Variants in NCKAP5 observed in about 807,000 individuals in gnomAD.
NCKAP5 encodes the protein NCK associated protein 5.
NCKAP5 carries 92 observed loss-of-function variants against 167.0 expected under a neutral mutation model. That is an observed-to-expected ratio of 0.55 (90% confidence interval 0.47 to 0.66). The LOEUF is 0.66. NCKAP5 is among the 30% of genes least tolerant of loss of function. The pLI, the probability that NCKAP5 is intolerant of heterozygous loss-of-function variation, is 0.00. For synonymous variants in NCKAP5, 891 were observed against 877.4 expected, an observed-to-expected ratio of 1.02 and a Z score of -0.27; for missense variants, 2,378 against 2,315.0, an observed-to-expected ratio of 1.03 and a Z score of -0.56.
intron 6 of NCKAP5, among the ~76,000 whole-genome samples, chr2:133,073,597 G>A (rs7599102): frequency 0.071 from 10,774 of 152,144 alleles, 497 homozygotes; most frequent in African/African-American, 0.12. Flanking sequence ...AGCCTAACCC[G>A]GCTGGCTGAT....
chr2:133,558,704 CAAAAAAAAA>C (rs60051493), intron 2 of NCKAP5, among the ~76,000 whole-genome samples: 6 of 50,874 alleles, frequency 1.2e-4, no homozygotes, highest in East Asian at 7.2e-4. Context: ...ATGTGCTGAG[CAAAAAAAAA>C]AAAAAAAAAA....
intron 19 of NCKAP5, among the ~76,000 whole-genome samples, chr2:132,706,438 A>G (rs1688369159): frequency 6.6e-6 from 1 of 152,202 alleles, no homozygotes; most frequent in African/African-American, 2.4e-5. Flanking sequence ...TCATCTGAAC[A>G]ATGAGAGGCT....
chr2:133,109,515 T>C (rs2149710413), intron 6 of NCKAP5, among the ~76,000 whole-genome samples: 1 of 152,298 alleles, frequency 6.6e-6, no homozygotes, highest in East Asian at 1.9e-4. Flanking sequence ...ATATAGGAAG[T>C]AGAATACTAG....
intron 6 of NCKAP5, among the ~76,000 whole-genome samples, chr2:133,106,952 C>T (rs558888081): frequency 3.7e-4 from 57 of 152,298 alleles, no homozygotes; most frequent in African/African-American, 9.4e-4. Flanking sequence ...TGTATGACAA[C>T]GTCTCCCTTC....
intron 6 of NCKAP5, among the ~76,000 whole-genome samples, chr2:133,075,552 A>G (rs939410395): frequency 6.6e-6 from 1 of 152,252 alleles, no homozygotes; most frequent in African/African-American, 2.4e-5. Context: ...TGTGTAATAC[A>G]TAATAACAGT....
At chr2:133,319,451 G>T (rs374944783) in intron 3 of NCKAP5, among the ~76,000 whole-genome samples, 1 of 152,004 alleles carries the variant, frequency 6.6e-6, no homozygotes, top group Non-Finnish European at 1.5e-5. Context: ...GTGCACCCGG[G>T]ATGTTACCTT....
intron 3 of NCKAP5, among the ~76,000 whole-genome samples, chr2:133,426,234 C>T (rs978524179): frequency 2.5e-4 from 38 of 151,968 alleles, no homozygotes; most frequent in Admixed American, 1.9e-3. Context: ...CACACCATTA[C>T]ACTCCAGCCT....
At chr2:132,894,069 C>T (rs1477133114) in intron 8 of NCKAP5, among the ~76,000 whole-genome samples, 2 of 152,244 alleles carry the variant, frequency 1.3e-5, no homozygotes, top group Non-Finnish European at 2.9e-5. Flanking sequence ...GAGCCAGTTG[C>T]TGAGGCAAAG....
intron 17 of NCKAP5, among the ~76,000 whole-genome samples, chr2:132,731,268 G>T (rs1021025152): frequency 6.6e-6 from 1 of 152,164 alleles, no homozygotes; most frequent in African/African-American, 2.4e-5. Flanking sequence ...TGCAATCGGT[G>T]CACGATCTAC....
At chr2:133,587,702 T>C in the NCKAP5 span, among the ~76,000 whole-genome samples, 1 of 152,204 alleles carries the variant, frequency 6.6e-6, no homozygotes, top group African/African-American at 2.4e-5. Flanking sequence ...TCCTCATCTC[T>C]TCCCCATGCC....
intron 8 of NCKAP5, among the ~76,000 whole-genome samples, chr2:132,895,001 G>C (rs1693028550): frequency 1.3e-5 from 2 of 152,144 alleles, no homozygotes; most frequent in African/African-American, 4.8e-5. Flanking sequence ...CCTTTGACTT[G>C]TTTTTGTCAT....
chr2:132,714,174 G>A (rs1285606851), intron 19 of NCKAP5, among the ~76,000 whole-genome samples: 1 of 152,194 alleles, frequency 6.6e-6, no homozygotes, highest in Non-Finnish European at 1.5e-5. Flanking sequence ...TTTAACCACA[G>A]TTGAAGATAA....
chr2:133,089,107 A>T (rs1445357277), intron 6 of NCKAP5, among the ~76,000 whole-genome samples: 1 of 152,236 alleles, frequency 6.6e-6, no homozygotes, highest in Non-Finnish European at 1.5e-5. Flanking sequence ...CCAAGTCTTA[A>T]CATTATACCT....
the NCKAP5 span, among the ~76,000 whole-genome samples, chr2:133,672,116 T>C: frequency 6.6e-6 from 1 of 152,174 alleles, no homozygotes; most frequent in Admixed American, 6.5e-5. Context: ...AAAGCTCCTT[T>C]GACAAGATGA....
intron 6 of NCKAP5, among the ~76,000 whole-genome samples, chr2:133,070,814 G>T (rs2080368052): frequency 6.6e-6 from 1 of 152,076 alleles, no homozygotes; most frequent in South Asian, 2.1e-4. Flanking sequence ...ATATACATGA[G>T]ATATACATAC....
intron 3 of NCKAP5, among the ~76,000 whole-genome samples, chr2:133,427,981 T>A (rs758774908): frequency 6.6e-6 from 1 of 152,040 alleles, no homozygotes; most frequent in Non-Finnish European, 1.5e-5. Context: ...ACAGTAGAAA[T>A]AAATGTATAT....
chr2:133,034,824 C>G (rs557549715), intron 6 of NCKAP5, among the ~76,000 whole-genome samples: 1 of 151,936 alleles, frequency 6.6e-6, no homozygotes, highest in East Asian at 1.9e-4. Flanking sequence ...AAATTATTTT[C>G]ATTACAGGAA....
At chr2:133,135,842 T>A (rs2082769375) in intron 5 of NCKAP5, among the ~76,000 whole-genome samples, 1 of 152,190 alleles carries the variant, frequency 6.6e-6, no homozygotes, top group Admixed American at 6.5e-5. Flanking sequence ...AACTCAAAAG[T>A]CCTATATAAA....
the NCKAP5 span, among the ~76,000 whole-genome samples, chr2:133,648,563 T>C: frequency 6.6e-6 from 1 of 152,122 alleles, no homozygotes; most frequent in African/African-American, 2.4e-5. Flanking sequence ...ATATCTTTTC[T>C]GACCAAAACT....
Sources: gnomAD v4.1 joint callset for allele counts (sites outside exome capture counted in the v4.1 genomes callset) on GRCh38, gnomAD v4.1.1 for gene constraint, MANE v1.5 for transcripts, NCBI Gene and HGNC (gene_info 2026-07-23, HGNC 2026-07-21) for gene names.